The following TENM2 variants were observed in gnomAD, a reference collection of about 807,000 sequenced individuals.
TENM2 encodes teneurin transmembrane protein 2.
A neutral mutation model predicts 245.2 loss-of-function variants in TENM2; 52 were observed. That is an observed-to-expected ratio of 0.21 (90% CI 0.17 to 0.27). The LOEUF (loss-of-function observed/expected upper bound fraction) is 0.27. Among genes scored for constraint, TENM2 ranks in the 10% least tolerant of loss-of-function variants. The pLI is 1.00. For missense variants in TENM2, 3,046 were observed against 3,666.8 expected (o/e 0.83, Z 4.37); for synonymous variants, 1,363 against 1,438.9 (o/e 0.95, Z 1.19).
At chr5:167,583,868 C>T (rs1207380820) in intron 2 of TENM2, among the ~76,000 whole-genome samples, 1 of 152,176 alleles carries the variant, frequency 6.6e-6, no homozygotes, top group African/African-American at 2.4e-5. Flanking sequence ...TTTGCAGATG[C>T]TCATCTTTTT....
At chr5:167,533,148 G>A (rs535326248) in intron 2 of TENM2, among the ~76,000 whole-genome samples, 2 of 152,210 alleles carry the variant, frequency 1.3e-5, no homozygotes, top group African/African-American at 2.4e-5. Flanking sequence ...GAAATCACAG[G>A]AAAGCAGAAA....
intron 3 of TENM2, among the ~76,000 whole-genome samples, chr5:167,906,875 C>A (rs369536765): frequency 1.3e-5 from 2 of 152,006 alleles, no homozygotes; most frequent in South Asian, 2.1e-4. Context: ...ATTTTTGAGA[C>A]CTGACATAGA....
At chr5:167,543,918 A>T (rs1200757100) in intron 2 of TENM2, among the ~76,000 whole-genome samples, 1 of 152,162 alleles carries the variant, frequency 6.6e-6, no homozygotes, top group Non-Finnish European at 1.5e-5. Context: ...TTGGATAAAC[A>T]TGGCTATGTT....
the TENM2 span, among the ~76,000 whole-genome samples, chr5:167,227,103 AG>A: frequency 6.6e-6 from 1 of 152,008 alleles, no homozygotes; most frequent in African/African-American, 2.4e-5. Context: ...GACAGCATAC[AG>A]TTGGATAATT....
chr5:167,706,008 T>C (rs1012339501), intron 2 of TENM2, among the ~76,000 whole-genome samples: 4 of 141,498 alleles, frequency 2.8e-5, no homozygotes, highest in East Asian at 2.0e-4. Context: ...TATTTATTTA[T>C]TTACTTATTT....
chr5:167,856,008 G>T (rs1771064225), intron 2 of TENM2, among the ~76,000 whole-genome samples: 1 of 152,144 alleles, frequency 6.6e-6, no homozygotes, highest in African/African-American at 2.4e-5. Context: ...TCTTTTCATG[G>T]CTGGTCTAGG....
chr5:167,834,332 C>A (rs914533838), intron 2 of TENM2, among the ~76,000 whole-genome samples: 3 of 152,110 alleles, frequency 2.0e-5, no homozygotes, highest in African/African-American at 7.2e-5. Flanking sequence ...GGGATTTTTC[C>A]TACACTCACT....
intron 2 of TENM2, among the ~76,000 whole-genome samples, chr5:167,426,372 T>A (rs1337587964): frequency 1.3e-5 from 2 of 152,080 alleles, no homozygotes; most frequent in Non-Finnish European, 2.9e-5. Context: ...TAGTCCCAGC[T>A]GTTCAGGAGG....
intron 2 of TENM2, among the ~76,000 whole-genome samples, chr5:167,560,933 A>G (rs1773547698): frequency 2.6e-5 from 1 of 38,938 alleles, no homozygotes; most frequent in Admixed American, 2.7e-4. Flanking sequence ...GTGTGTATCT[A>G]GTGGGTAGAG....
the TENM2 span, among the ~76,000 whole-genome samples, chr5:167,154,801 C>G: frequency 1.3e-5 from 2 of 152,114 alleles, no homozygotes; most frequent in African/African-American, 2.4e-5. Flanking sequence ...AAATTAGAAG[C>G]TAATTTTATA....
At chr5:167,253,506 G>A in the TENM2 span, among the ~76,000 whole-genome samples, 5 of 151,684 alleles carry the variant, frequency 3.3e-5, no homozygotes, top group South Asian at 2.1e-4. Flanking sequence ...TTTTTAAAAC[G>A]TAAAAATCAT....
chr5:167,441,127 G>T (rs981913273), intron 2 of TENM2, among the ~76,000 whole-genome samples: 5 of 152,122 alleles, frequency 3.3e-5, no homozygotes, highest in African/African-American at 1.2e-4. Flanking sequence ...ATCTTTCTAG[G>T]ACTGCTCTCA....
rs532792116 is a variant in TENM2, at chr5:168,158,949, A to G, written c.2423-3662A>G. ...TATATATGTATATACGTATATACAT[A>G]TATATATGTACGTGTATACATATAT... On this transcript the variant is annotated intron_variant, in intron 12 of 28. Coordinates refer to ENST00000518659, the Ensembl canonical transcript of TENM2. 1.0e-3 allele frequency among the ~76,000 whole-genome samples: 150 copies of G among 147,074 alleles called. 2 individuals are homozygous for G. Among genetic ancestry groups the G allele is most frequent in the African/African-American group, 3.2e-3 (127 of 40,136 alleles).
At chr5:167,755,494 A>G (rs1443609794) in intron 2 of TENM2, among the ~76,000 whole-genome samples, 4 of 152,062 alleles carry the variant, frequency 2.6e-5, no homozygotes, top group Admixed American at 2.6e-4. Flanking sequence ...ATAAATATAA[A>G]ATGGAATTTA....
chr5:168,011,826 A>G (rs1431144066), intron 5 of TENM2, among the ~76,000 whole-genome samples: 1 of 152,232 alleles, frequency 6.6e-6, no homozygotes, highest in Non-Finnish European at 1.5e-5. Context: ...TCTCTGCTTT[A>G]AAAGGATAAT....
At position 168,064,642 on chromosome 5, in the gene TENM2, T is replaced by C. The variant is rs181757000; in HGVS notation, c.1515+2377T>C. ...GTCCATCTCCTGCCTAGACTGTGAT[T>C]GTTCTAGTGATTGTCCTCTCAAAAT... On this transcript the variant is annotated intron_variant, in intron 7 of 28. Coordinates refer to ENST00000518659, the Ensembl canonical transcript of TENM2. Among the ~76,000 whole-genome samples, 267 of 152,344 alleles carry C rather than the reference T, an allele frequency of 1.8e-3. 2 individuals are homozygous for C. The highest frequency in any genetic ancestry group is 5.9e-3 in the African/African-American group (244 of 41,586).
intron 12 of TENM2, among the ~76,000 whole-genome samples, chr5:168,151,567 C>T (rs1202647941): frequency 6.6e-6 from 1 of 152,202 alleles, no homozygotes; most frequent in Non-Finnish European, 1.5e-5. Flanking sequence ...TCTGGTTTTG[C>T]AAATGGAGAA....
Position 168,075,729 on chromosome 5 carries a change from C to T in TENM2, c.1515+13464C>T, listed in dbSNP as rs546941341. Among the ~76,000 whole-genome samples the T allele has an allele frequency of 4.6e-5, 7 of 152,326 alleles. No individual in the cohort carries two copies. The East Asian group carries it at 9.6e-4, about 21-fold the overall frequency. ...TTCTCATGCTGCTAATAAAGACATA[C>T]TCGAGACTGGGTAATTTATAAAGGA... is the stretch of plus-strand genomic sequence containing the variant. On this transcript the variant is annotated intron_variant, in intron 7 of 28. Transcript: ENST00000518659.
rs535567571 is a variant in TENM2 at position 168,237,668 on chromosome 5, G to A, written c.5521-6752G>A. ...GTCATCCAAACATAATGTTTGCTTG[G>A]GGAATACATTATTTAATGTGTTTGC... On this transcript the variant is annotated intron_variant, in intron 25 of 28. Transcript: ENST00000518659. Among the ~76,000 whole-genome samples, 7 of 151,910 alleles carry A rather than the reference G, an allele frequency of 4.6e-5. No homozygotes were observed. The South Asian group carries it at 1.5e-3, about 32-fold the overall frequency.
Sources: gnomAD v4.1 joint callset for allele counts (sites outside exome capture counted in the v4.1 genomes callset) on GRCh38, gnomAD v4.1.1 for gene constraint, MANE v1.5 for transcripts, NCBI Gene and HGNC (gene_info 2026-07-23, HGNC 2026-07-21) for gene names.